SAXO1: variants seen among roughly 807,000 people sequenced by gnomAD.
SAXO1 encodes the protein 4930500O09Rik.
Under a neutral mutation model 17.5 loss-of-function variants are expected in SAXO1, and 21 were observed. The ratio of observed to expected loss-of-function variants is 1.20; its 90% confidence interval spans 0.85 to 1.72. The LOEUF (loss-of-function observed/expected upper bound fraction) is 1.72. Among genes scored for constraint, SAXO1 ranks in the 40% most tolerant of loss-of-function variants. SAXO1 has a pLI of 0.00. For missense variants in SAXO1, 843 were observed against 596.0 expected, an observed-to-expected ratio of 1.41 and a Z score of -4.32; for synonymous variants, 274 against 216.5, an observed-to-expected ratio of 1.27 and a Z score of -2.33.
At chr9:18,994,651 C>T (rs1403776872) in intron 1 of SAXO1, among the ~76,000 whole-genome samples, 1 of 152,228 alleles carries the variant, frequency 6.6e-6, no homozygotes, top group East Asian at 1.9e-4. Context: ...CGCCTGGGCT[C>T]AGCAGGAGCA....
chr9:18,989,079 T>C lies in SAXO1; in HGVS notation c.39-38142A>G, dbSNP rs112660566. Among the ~76,000 whole-genome samples, 361 of 152,300 alleles carry C rather than the reference T, an allele frequency of 2.4e-3. 3 individuals are homozygous for C. Among genetic ancestry groups the C allele is most frequent in the Non-Finnish European group, 4.0e-3 (275 of 68,008 alleles). ...AAAAACAGCTATAGAATGAGTTATATTGGTCAAAATAGGGTATGACTGATC... is the reference window on the plus strand; with the variant it reads ...AAAAACAGCTATAGAATGAGTTATACTGGTCAAAATAGGGTATGACTGATC... On this transcript the variant is annotated intron_variant, in intron 1 of 3. Transcript: ENST00000380534.
At chr9:18,964,424 C>A (rs6475284) in intron 1 of SAXO1, among the ~76,000 whole-genome samples, 26,913 of 152,060 alleles carry the variant, frequency 0.18, 5,145 homozygotes, top group African/African-American at 0.48. Context: ...GGTTGGTGGA[C>A]TATTAATTAC....
intron 1 of SAXO1, among the ~76,000 whole-genome samples, chr9:19,029,819 C>G (rs1835675066): frequency 6.6e-6 from 1 of 152,150 alleles, no homozygotes; most frequent in Non-Finnish European, 1.5e-5. Context: ...CAGCTGGCTA[C>G]CATACTGGAC....
chr9:18,991,202 G>A (rs1015297815), intron 1 of SAXO1, among the ~76,000 whole-genome samples: 11 of 152,230 alleles, frequency 7.2e-5, no homozygotes, highest in African/African-American at 2.6e-4. Context: ...AGGTCATAGT[G>A]AGCCAAGATT....
At chr9:19,032,081 T>C (rs113431689) in intron 1 of SAXO1, among the ~76,000 whole-genome samples, 26 of 152,284 alleles carry the variant, frequency 1.7e-4, no homozygotes, top group African/African-American at 5.3e-4. Flanking sequence ...ACCTGGAGTT[T>C]AGTTACCAAT....
At chr9:19,017,727 G>A (rs1835045016) in intron 1 of SAXO1, among the ~76,000 whole-genome samples, 1 of 152,134 alleles carries the variant, frequency 6.6e-6, no homozygotes, top group African/African-American at 2.4e-5. Flanking sequence ...GCTTTCCCTG[G>A]TCCATCATTT....
At chr9:18,971,581 C>T (rs1305444187) in intron 1 of SAXO1, among the ~76,000 whole-genome samples, 1 of 152,124 alleles carries the variant, frequency 6.6e-6, no homozygotes, top group Non-Finnish European at 1.5e-5. Context: ...ACCTAACTCA[C>T]TGTTATAAGA....
chr9:18,946,735 C>T (rs1372868594), intron 2 of SAXO1, among the ~76,000 whole-genome samples: 3 of 151,912 alleles, frequency 2.0e-5, no homozygotes, highest in Admixed American at 1.3e-4. Flanking sequence ...CTTTTTAAAC[C>T]ATGCTCATTA....
chr9:19,016,518 G>T (rs553565946), intron 1 of SAXO1, among the ~76,000 whole-genome samples: 68 of 152,228 alleles, frequency 4.5e-4, no homozygotes, highest in African/African-American at 1.6e-3. Context: ...TCAGGTGGGG[G>T]CAATTTTGCC....
At chr9:19,024,191 G>A (rs892480816) in intron 1 of SAXO1, among the ~76,000 whole-genome samples, 1 of 151,872 alleles carries the variant, frequency 6.6e-6, no homozygotes, top group Non-Finnish European at 1.5e-5. Flanking sequence ...GCAGGCTCAA[G>A]TACTCAGGCA....
In SAXO1 at chr9:18,928,722, G is replaced by A. The variant is rs772006173; in HGVS notation, c.755C>T (p.Ala252Val). 6.2e-7 allele frequency: 1 copy of A among 1,614,136 alleles called. No individual in the cohort carries two copies. Among genetic ancestry groups the A allele is most frequent in the Non-Finnish European group, 8.5e-7 (1 of 1,180,036 alleles). ...CCTGGCTAGAGGTTTCAAGCTCTTG[G>A]CAGGCTCCCCCATCAGGCCCCGGTA... ...QSYRGLMGEP[A>V]KSLKPLARPP... is the part of the protein sequence containing the mutation. Residue 252 changes from alanine to valine, a missense_variant, in exon 4 of 4, where the codon GCC becomes GTC. Coordinates refer to ENST00000380534, the MANE Select transcript of SAXO1 (RefSeq NM_153707.4).
At chr9:19,007,032 G>A (rs888116143) in intron 1 of SAXO1, among the ~76,000 whole-genome samples, 2 of 151,340 alleles carry the variant, frequency 1.3e-5, no homozygotes, top group African/African-American at 4.9e-5. Context: ...GTAACACAGT[G>A]AGACTCCATC....
In SAXO1 at chr9:18,989,577, CA is replaced by C. The variant is rs1563964885; in HGVS notation, c.39-38641del. On this transcript the variant is annotated intron_variant, in intron 1 of 3. Transcript: ENST00000380534. ...TTATGCACACACACACACACACACA[CA>C]CACCCATCTCGTGATACTTCATTCT... 1.7e-3 allele frequency among the ~76,000 whole-genome samples: 256 copies of C among 152,104 alleles called. 1 individual carries two copies. Among genetic ancestry groups the C allele is most frequent in the African/African-American group, 5.4e-3 (225 of 41,506 alleles).
intron 1 of SAXO1, among the ~76,000 whole-genome samples, chr9:18,976,920 A>AAC (rs893815677): frequency 2.0e-5 from 3 of 152,220 alleles, no homozygotes; most frequent in Non-Finnish European, 2.9e-5. Flanking sequence ...CCACAAAACC[A>AAC]CAAACCAAAA....
At chr9:18,975,401 G>C (rs1588466053) in intron 1 of SAXO1, among the ~76,000 whole-genome samples, 1 of 152,190 alleles carries the variant, frequency 6.6e-6, no homozygotes, top group African/African-American at 2.4e-5. Flanking sequence ...ACATATGTCA[G>C]ACATGTCTAA....
intron 1 of SAXO1, among the ~76,000 whole-genome samples, chr9:19,011,097 T>G (rs1208302335): frequency 6.6e-6 from 1 of 152,242 alleles, no homozygotes; most frequent in Admixed American, 6.5e-5. Context: ...TTCAGTTGCA[T>G]AGATTTTAAA....
At chr9:19,033,219 G>A (rs1835846153), upstream of SAXO1, 1 of 328,804 alleles carries the variant, frequency 3.0e-6, no homozygotes. Flanking sequence ...TGGGCCCCAG[G>A]AAGCTGCGGG....
intron 1 of SAXO1, among the ~76,000 whole-genome samples, chr9:18,980,631 G>T (rs1833344761): frequency 6.6e-6 from 1 of 151,698 alleles, no homozygotes; most frequent in Non-Finnish European, 1.5e-5. Context: ...GACTGGCTGG[G>T]CCCTGCCTGC....
chr9:19,014,765 C>G (rs903868205), intron 1 of SAXO1, among the ~76,000 whole-genome samples: 1 of 152,150 alleles, frequency 6.6e-6, no homozygotes, highest in Non-Finnish European at 1.5e-5. Context: ...CTCCTCCGTT[C>G]CTGGGGAACA....
Sources: allele counts gnomAD v4.1 joint callset (sites outside exome capture counted in the v4.1 genomes callset), GRCh38; gene constraint gnomAD v4.1.1; transcripts MANE v1.5; gene names NCBI Gene and HGNC (gene_info 2026-07-23, HGNC 2026-07-21).